Variants in HK1 observed in about 807,000 individuals in gnomAD.
The protein encoded by HK1 is hexokinase 1, also known as hexokinase-1.
HK1 carries 28 observed loss-of-function variants against 91.6 expected under a neutral mutation model. The observed-to-expected ratio is 0.31, with a 90% CI of 0.23 to 0.42. The LOEUF is 0.42. Among genes scored for constraint, HK1 ranks in the 10% least tolerant of loss-of-function variants. The pLI is 1.00. For missense variants in HK1, 770 were observed against 1,219.8 expected (o/e 0.63, Z 5.49); for synonymous variants, 430 against 468.1 (o/e 0.92, Z 1.05).
chr10:69,317,521 G>A (rs953458858), upstream of HK1, among the ~76,000 whole-genome samples: 1 of 152,160 alleles, frequency 6.6e-6, no homozygotes, highest in Non-Finnish European at 1.5e-5. Flanking sequence ...AAGGGCTAGG[G>A]ACTCCTAAAG....
intron 8 of HK1, 126 bp from the exon 9 acceptor site, chr10:69,379,736 C>T (rs1054280454): frequency 1.4e-6 from 1 of 707,308 alleles, no homozygotes; most frequent in Admixed American, 1.9e-5. Flanking sequence ...GTCTTCATCC[C>T]ATACCATCCC....
chr10:69,374,843 G>C (rs1839005438), intron 7 of HK1, among the ~76,000 whole-genome samples: 1 of 152,226 alleles, frequency 6.6e-6, no homozygotes, highest in Admixed American at 6.5e-5. Context: ...CGCATCCTAT[G>C]GGGAATGCCC....
At chr10:69,343,741 G>C in intron 1 of HK1, 86 bp from the exon 2 acceptor site, 1 of 998,108 alleles carries the variant, frequency 1.0e-6, no homozygotes, top group East Asian at 2.4e-5. Context: ...GTGCCTGTGG[G>C]AGCTGGCTAT....
In HK1 at chr10:69,341,563, C is replaced by G. The variant is rs1390822275; in HGVS notation, c.64-2264C>G. Among the ~76,000 whole-genome samples, 4 of 151,896 alleles carry G rather than the reference C, an allele frequency of 2.6e-5. 1 individual carries two copies. Among genetic ancestry groups the G allele is most frequent in the Admixed American group, 2.6e-4 (4 of 15,236 alleles). ...CAATGCAGCCTCAACCTCTTGGGCC[C>G]AAGTGATCCTCTTGCCTCAGCCTCC... On this transcript the variant is annotated intron_variant, in intron 1 of 17. Transcript: ENST00000359426.
intron 3 of HK1, among the ~76,000 whole-genome samples, chr10:69,362,663 A>C (rs1849493342): frequency 6.6e-6 from 1 of 152,110 alleles, no homozygotes. Flanking sequence ...GACAGGTCCC[A>C]TTCATGGGAA....
Position 69,345,975 on chromosome 10 carries a change from C to T in HK1, c.226+1986C>T, listed in dbSNP as rs186411147. Among the ~76,000 whole-genome samples, 145 of 152,252 alleles carry T rather than the reference C, an allele frequency of 9.5e-4. No individual in the cohort carries two copies. The Middle Eastern group carries it at 0.01, about 11-fold the overall frequency. On this transcript the variant is annotated intron_variant, in intron 2 of 17. Transcript: ENST00000359426. ...TTATGGGTGGGTTCAGTTCATGTGC[C>T]CCAGAGCCCACACTTCGCTTGCAAT...
chr10:69,270,728 G>A (rs991175515), intron 1 of HK1, among the ~76,000 whole-genome samples: 1 of 152,132 alleles, frequency 6.6e-6, no homozygotes, highest in African/African-American at 2.4e-5. Context: ...TGCCTTTCCA[G>A]AACAAGTGAG....
chr10:69,283,322 T>A (rs908312080), intron 2 of HK1, among the ~76,000 whole-genome samples: 1 of 146,700 alleles, frequency 6.8e-6, no homozygotes, highest in Admixed American at 6.8e-5. Flanking sequence ...GACGTGGTGG[T>A]GCATGCCTGT....
intron 3 of HK1, among the ~76,000 whole-genome samples, chr10:69,362,614 C>T (rs1195838464): frequency 2.0e-5 from 3 of 152,006 alleles, no homozygotes; most frequent in African/African-American, 7.3e-5. Context: ...CAATGGTGCA[C>T]TCTGGGGAGT....
intron 3 of HK1, 42 bp from the exon 4 acceptor site, chr10:69,364,741 G>C: frequency 1.9e-6 from 3 of 1,613,454 alleles, no homozygotes; most frequent in Non-Finnish European, 2.5e-6. Flanking sequence ...GAAATGCTAA[G>C]CCTGCTTTGG....
intron 4 of HK1, among the ~76,000 whole-genome samples, chr10:69,366,086 C>T (rs1589547112): frequency 6.6e-6 from 1 of 152,108 alleles, no homozygotes; most frequent in Non-Finnish European, 1.5e-5. Context: ...CTGCCTCGGC[C>T]CCTCAAAGTG....
intron 14 of HK1, among the ~76,000 whole-genome samples, chr10:69,391,492 A>G (rs1214542874): frequency 6.6e-6 from 1 of 152,198 alleles, no homozygotes; most frequent in African/African-American, 2.4e-5. Context: ...AAATTTTAAA[A>G]AATTAGCCAG....
intron 14 of HK1, among the ~76,000 whole-genome samples, chr10:69,389,711 T>C (rs555869624): frequency 6.6e-5 from 10 of 151,812 alleles, no homozygotes; most frequent in African/African-American, 2.4e-4. Context: ...GGAAAGGAAG[T>C]AGAGAGCACC....
intron 12 of HK1, 71 bp from the exon 13 acceptor site, chr10:69,386,252 G>A (rs1291593095): frequency 4.1e-6 from 5 of 1,207,678 alleles, no homozygotes; most frequent in Admixed American, 1.7e-5. Flanking sequence ...TCAGGAGGGA[G>A]GGTTGGAATT....
chr10:69,381,720 A>ATTTTTTTTTTTTTTTTTT (rs1839399463), intron 9 of HK1, among the ~76,000 whole-genome samples: 1 of 151,910 alleles, frequency 6.6e-6, no homozygotes, highest in Non-Finnish European at 1.5e-5. Flanking sequence ...TACCCAGCTA[A>ATTTTTTTTTTTTTTTTTT]TTTTTGTATT....
At position 69,335,884 on chromosome 10, in the gene HK1, C is replaced by T. The variant is rs78012111; in HGVS notation, c.64-7943C>T. Among the ~76,000 whole-genome samples, 99 of 152,230 alleles carry T rather than the reference C, an allele frequency of 6.5e-4. No homozygotes were observed. In the East Asian group the frequency reaches 0.015, roughly 23 times the overall value. ...AGGGGTCCTGAGGAAGTCTTTAGTA[C>T]GGCTTTGCTAGTTTGAGTCTTAGAG... is the stretch of plus-strand genomic sequence containing the variant. On this transcript the variant is annotated intron_variant, in intron 1 of 17. Transcript: ENST00000359426.
upstream of HK1, among the ~76,000 whole-genome samples, chr10:69,315,080 C>G (rs899725212): frequency 5.3e-5 from 8 of 152,178 alleles, no homozygotes; most frequent in Non-Finnish European, 1.2e-4. Flanking sequence ...ACCAAAACAC[C>G]CAAGCTCTAT....
intron 2 of HK1, among the ~76,000 whole-genome samples, chr10:69,283,625 A>G (rs1844873568): frequency 6.6e-6 from 1 of 151,308 alleles, no homozygotes; most frequent in African/African-American, 2.4e-5. Context: ...TACTAAAAAT[A>G]CAAAAATTAG....
At position 69,376,961 on chromosome 10, in the gene HK1, C is replaced by T. The variant is rs1228089715; in HGVS notation, c.903C>T (p.Tyr301=). The part of the protein sequence containing the change: ...QLFEKMVSGM[Y]LGELVRLILV... ...TTGAGAAGATGGTCAGTGGCATGTACTTGGGAGAGCTGGTTCGACTGATCC... is the reference window on the plus strand; with the variant it reads ...TTGAGAAGATGGTCAGTGGCATGTATTTGGGAGAGCTGGTTCGACTGATCC... Residue 301 remains tyrosine, a synonymous_variant, in exon 8 of 18, where the codon TAC becomes TAT. Coordinates refer to ENST00000359426, the MANE Select transcript of HK1 (RefSeq NM_000188.3). 1 of 1,614,180 alleles carries T rather than the reference C, an allele frequency of 6.2e-7. No homozygotes were observed. Among genetic ancestry groups the T allele is most frequent in the Non-Finnish European group, 8.5e-7 (1 of 1,180,028 alleles).
Sources: gnomAD v4.1 joint callset for allele counts (sites outside exome capture counted in the v4.1 genomes callset) on GRCh38, gnomAD v4.1.1 for gene constraint, MANE v1.5 for transcripts, NCBI Gene and HGNC (gene_info 2026-07-23, HGNC 2026-07-21) for gene names.